MAD1L1: variants seen among roughly 807,000 people sequenced by gnomAD.
MAD1L1 encodes mitotic spindle assembly checkpoint protein MAD1.
A neutral mutation model predicts 96.9 loss-of-function variants in MAD1L1; 95 were observed. The observed-to-expected ratio is 0.98, with a 90% CI of 0.83 to 1.16. The LOEUF is 1.16. Ranked by LOEUF, MAD1L1 falls within the 50% of genes most tolerant of loss-of-function variation. The pLI is 0.00. For synonymous variants in MAD1L1, 473 were observed against 396.6 expected, an observed-to-expected ratio of 1.19 and a Z score of -2.29; for missense variants, 1,007 against 954.4, an observed-to-expected ratio of 1.06 and a Z score of -0.73.
intron 18 of MAD1L1, among the ~76,000 whole-genome samples, chr7:1,882,365 C>A (rs892623702): frequency 4.6e-5 from 7 of 152,192 alleles, no homozygotes; most frequent in African/African-American, 1.7e-4. Context: ...ATTCAGGGGA[C>A]CCAGAGAGGC....
At chr7:2,221,383 G>A (rs909833620) in intron 5 of MAD1L1, among the ~76,000 whole-genome samples, 4 of 152,060 alleles carry the variant, frequency 2.6e-5, no homozygotes, top group Non-Finnish European at 5.9e-5. Flanking sequence ...TCCTGCCAAC[G>A]TTCCCTCCAG....
intron 13 of MAD1L1, among the ~76,000 whole-genome samples, chr7:2,006,445 C>A (rs1476174831): frequency 6.6e-6 from 1 of 152,032 alleles, no homozygotes; most frequent in Non-Finnish European, 1.5e-5. Context: ...GTCCCAGCAC[C>A]GAGGAGCATT....
intron 18 of MAD1L1, among the ~76,000 whole-genome samples, chr7:1,838,062 G>T (rs1783030356): frequency 6.6e-6 from 1 of 152,208 alleles, no homozygotes; most frequent in Non-Finnish European, 1.5e-5. Context: ...TGCCTGGACT[G>T]GGAAACATAT....
At chr7:2,016,528 C>A (rs920121954) in intron 12 of MAD1L1, among the ~76,000 whole-genome samples, 1 of 152,214 alleles carries the variant, frequency 6.6e-6, no homozygotes, top group Non-Finnish European at 1.5e-5. Context: ...GAGAGACCGA[C>A]CCAGTGCTCC....
chr7:2,050,686 C>T (rs759679476), intron 12 of MAD1L1, among the ~76,000 whole-genome samples: 1 of 152,130 alleles, frequency 6.6e-6, no homozygotes, highest in African/African-American at 2.4e-5. Context: ...GCCGTGACAC[C>T]AAGGACAACT....
At chr7:1,963,893 C>T (rs762158115) in intron 15 of MAD1L1, among the ~76,000 whole-genome samples, 2 of 152,222 alleles carry the variant, frequency 1.3e-5, no homozygotes, top group African/African-American at 2.4e-5. Flanking sequence ...GCAGGGTGGC[C>T]GTGCAGTGTG....
intron 18 of MAD1L1, among the ~76,000 whole-genome samples, chr7:1,820,645 G>C (rs1004926287): frequency 2.6e-5 from 4 of 151,968 alleles, no homozygotes; most frequent in African/African-American, 9.7e-5. Context: ...TGTAGCCCCA[G>C]GTATGTGGGA....
intron 11 of MAD1L1, among the ~76,000 whole-genome samples, chr7:2,128,808 T>G (rs1788363645): frequency 1.3e-5 from 2 of 152,104 alleles, no homozygotes; most frequent in African/African-American, 4.8e-5. Flanking sequence ...CTCAAGCCCG[T>G]CAGGCCACAC....
In MAD1L1 at chr7:2,119,453, C is replaced by T. The variant is rs1051388341; in HGVS notation, c.1073+29699G>A. 6.6e-6 allele frequency among the ~76,000 whole-genome samples: 1 copy of T among 152,188 alleles called. No individual in the cohort carries two copies. The highest frequency in any genetic ancestry group is 1.5e-5 in the Non-Finnish European group (1 of 68,024). ...GTCGTGGGGCGCACACTCTCTGTAG[C>T]TGGCCAAAGCTGGACGACGCCACAA... On this transcript the variant is annotated intron_variant, in intron 11 of 18. Transcript: ENST00000265854. The surrounding 1 kb of genome is among the most constrained non-coding windows in gnomAD (Gnocchi z 4.6).
intron 3 of MAD1L1, among the ~76,000 whole-genome samples, chr7:2,226,329 G>A (rs996639426): frequency 6.6e-6 from 1 of 152,154 alleles, no homozygotes; most frequent in Non-Finnish European, 1.5e-5. Flanking sequence ...CTGGAATCTG[G>A]GGGCCCTCTC....
intron 18 of MAD1L1, among the ~76,000 whole-genome samples, chr7:1,897,263 C>T (rs994158703): frequency 2.0e-5 from 3 of 152,150 alleles, no homozygotes; most frequent in African/African-American, 7.3e-5. Context: ...AAAGTTGGTT[C>T]TCGGTTCCAT....
intron 14 of MAD1L1, among the ~76,000 whole-genome samples, chr7:1,988,285 A>G (rs1053838669): frequency 1.3e-5 from 2 of 151,994 alleles, no homozygotes; most frequent in African/African-American, 4.8e-5. Context: ...CCCAGGGGCA[A>G]CTCTGCCGCT....
intron 18 of MAD1L1, among the ~76,000 whole-genome samples, chr7:1,836,280 A>G (rs1168726635): frequency 2.0e-5 from 3 of 151,902 alleles, no homozygotes; most frequent in Non-Finnish European, 4.4e-5. Flanking sequence ...TCAGCCTCCC[A>G]AAGTGCTGGG....
In MAD1L1 at chr7:1,864,650, C is replaced by T. The variant is rs570175784; in HGVS notation, c.1998+33550G>A. Among the ~76,000 whole-genome samples the T allele has an allele frequency of 5.3e-5, 8 of 152,352 alleles. No homozygotes were observed. In the South Asian group the frequency reaches 6.2e-4, roughly 12 times the overall value. ...GGCTGTGGCCTGGACGTCTGTCTCCCGACCTCACGTGGACCCCTGATCCTC... is the reference window on the plus strand; with the variant it reads ...GGCTGTGGCCTGGACGTCTGTCTCCTGACCTCACGTGGACCCCTGATCCTC... On this transcript the variant is annotated intron_variant, in intron 18 of 18. Coordinates refer to ENST00000265854, the MANE Select transcript of MAD1L1 (RefSeq NM_001013836.2).
chr7:2,154,639 G>GTAAA (rs773758101), intron 10 of MAD1L1, among the ~76,000 whole-genome samples: 1 of 152,072 alleles, frequency 6.6e-6, no homozygotes, highest in African/African-American at 2.4e-5. Flanking sequence ...TAAATAAATG[G>GTAAA]TAAATAAATA....
intron 5 of MAD1L1, chr7:2,220,879 C>A (rs779396008): frequency 2.5e-6 from 4 of 1,607,950 alleles, no homozygotes; most frequent in Non-Finnish European, 3.4e-6. Flanking sequence ...TCAATTAATA[C>A]GCACCGTGTG....
intron 18 of MAD1L1, among the ~76,000 whole-genome samples, chr7:1,819,134 G>A (rs368347336): frequency 2.1e-4 from 32 of 152,258 alleles, no homozygotes; most frequent in Admixed American, 5.2e-4. Flanking sequence ...CCTCTGCCAT[G>A]TTCAAATATC....
intron 16 of MAD1L1, among the ~76,000 whole-genome samples, chr7:1,948,607 G>A (rs536665545): frequency 5.6e-4 from 85 of 152,312 alleles, no homozygotes; most frequent in African/African-American, 1.9e-3. Flanking sequence ...GGTCATGCCT[G>A]TCCTGGTTCC....
chr7:2,054,917 A>G (rs1323045222), intron 12 of MAD1L1, among the ~76,000 whole-genome samples: 1 of 152,244 alleles, frequency 6.6e-6, no homozygotes, highest in Non-Finnish European at 1.5e-5. Flanking sequence ...CTCCTTGGAC[A>G]TCCCCAGAGG....
Sources: gnomAD v4.1 joint callset for allele counts (sites outside exome capture counted in the v4.1 genomes callset) on GRCh38, gnomAD v4.1.1 for gene constraint, Gnocchi (gnomAD v3.1) non-coding constraint, MANE v1.5 for transcripts, NCBI Gene and HGNC (gene_info 2026-07-23, HGNC 2026-07-21) for gene names.